The following GALNT13 variants were observed in gnomAD, a reference collection of about 807,000 sequenced individuals.
GALNT13 encodes the protein UDP-GalNAc:polypeptide N-acetylgalactosaminyltransferase 13.
A neutral mutation model predicts 64.2 loss-of-function variants in GALNT13; 28 were observed. That is an observed-to-expected ratio of 0.44 (90% CI 0.32 to 0.60). The LOEUF (loss-of-function observed/expected upper bound fraction) is 0.60, where lower values mean the gene tolerates loss of function less well. Ranked by LOEUF, GALNT13 falls within the 20% of genes least tolerant of loss-of-function variation. The probability of loss-of-function intolerance (pLI) is 0.05; values close to 1 mark genes in which losing one functional copy is unlikely to be tolerated. For synonymous variants in GALNT13, 214 were observed against 224.6 expected, an observed-to-expected ratio of 0.95 and a Z score of 0.42; for missense variants, 577 against 669.8, an observed-to-expected ratio of 0.86 and a Z score of 1.53.
the GALNT13 span, among the ~76,000 whole-genome samples, chr2:153,614,213 A>G: frequency 6.6e-6 from 1 of 151,996 alleles, no homozygotes; most frequent in South Asian, 2.1e-4. Context: ...AATAACATTA[A>G]TAATAATAAT....
At chr2:154,412,458 A>T (rs1230589546) in intron 11 of GALNT13, among the ~76,000 whole-genome samples, 1 of 151,824 alleles carries the variant, frequency 6.6e-6, no homozygotes, top group Non-Finnish European at 1.5e-5. Context: ...AACCCATAAA[A>T]ATCACTCAAG....
At chr2:153,083,020 G>C in the GALNT13 span, among the ~76,000 whole-genome samples, 1 of 151,542 alleles carries the variant, frequency 6.6e-6, no homozygotes, top group Non-Finnish European at 1.5e-5. Context: ...GTAGAGACAG[G>C]GTTTCACCAT....
the GALNT13 span, among the ~76,000 whole-genome samples, chr2:153,841,506 T>C: frequency 5.3e-5 from 8 of 152,158 alleles, no homozygotes; most frequent in Non-Finnish European, 1.0e-4. Context: ...TCATAATATA[T>C]AAATATTACG....
chr2:153,752,579 G>A, the GALNT13 span, among the ~76,000 whole-genome samples: 1 of 151,976 alleles, frequency 6.6e-6, no homozygotes, highest in East Asian at 1.9e-4. Context: ...CTCTCTTCTG[G>A]CCTGTAAGGT....
At chr2:153,812,660 C>A in the GALNT13 span, among the ~76,000 whole-genome samples, 1 of 152,126 alleles carries the variant, frequency 6.6e-6, no homozygotes, top group Non-Finnish European at 1.5e-5. Context: ...ATATTTCTTC[C>A]AAATTCTAAT....
At chr2:154,075,950 T>C (rs1357495089) in intron 3 of GALNT13, among the ~76,000 whole-genome samples, 1 of 151,696 alleles carries the variant, frequency 6.6e-6, no homozygotes, top group Non-Finnish European at 1.5e-5. Flanking sequence ...GACACATTTA[T>C]TTCTGAAAAC....
intron 3 of GALNT13, among the ~76,000 whole-genome samples, chr2:154,058,187 C>T (rs1041327573): frequency 6.6e-6 from 1 of 152,088 alleles, no homozygotes; most frequent in African/African-American, 2.4e-5. Context: ...TACTCTCTCT[C>T]AACCATGTGA....
At chr2:154,273,750 AC>A (rs1258938085) in intron 8 of GALNT13, among the ~76,000 whole-genome samples, 6 of 152,202 alleles carry the variant, frequency 3.9e-5, no homozygotes, top group Non-Finnish European at 7.4e-5. Context: ...TGTAATGTTC[AC>A]ATGATAATGA....
intron 2 of GALNT13, among the ~76,000 whole-genome samples, chr2:153,907,054 G>A (rs938501440): frequency 6.6e-6 from 1 of 152,120 alleles, no homozygotes; most frequent in African/African-American, 2.4e-5. Context: ...CTTTTGAGAA[G>A]TGTCTGTTCA....
At chr2:153,256,161 C>T in the GALNT13 span, among the ~76,000 whole-genome samples, 124,819 of 151,222 alleles carry the variant, frequency 0.83, 52,700 homozygotes, top group African/African-American at 0.91. Flanking sequence ...AGGCTTTGCT[C>T]GTTTCTTTTT....
chr2:153,118,537 C>CT, the GALNT13 span, among the ~76,000 whole-genome samples: 10 of 152,034 alleles, frequency 6.6e-5, no homozygotes, highest in South Asian at 4.2e-4. Flanking sequence ...TATTATTAGC[C>CT]TTTTTTTTAC....
At chr2:154,376,245 T>C (rs1029090693) in intron 9 of GALNT13, among the ~76,000 whole-genome samples, 4 of 152,210 alleles carry the variant, frequency 2.6e-5, no homozygotes, top group African/African-American at 9.6e-5. Flanking sequence ...TTACTTTTAA[T>C]GAGCAAATCT....
intron 9 of GALNT13, among the ~76,000 whole-genome samples, chr2:154,347,511 T>A (rs1272580284): frequency 6.6e-6 from 1 of 152,168 alleles, no homozygotes; most frequent in Non-Finnish European, 1.5e-5. Context: ...ATTGTCAGAT[T>A]TGGTCTCTCC....
chr2:154,287,416 G>T (rs1055714548), intron 8 of GALNT13: 4 of 451,780 alleles, frequency 8.9e-6, no homozygotes, highest in African/African-American at 2.0e-5. Context: ...TCCTCCAGCT[G>T]CCCCAGTGAG....
At chr2:153,512,119 C>G in the GALNT13 span, among the ~76,000 whole-genome samples, 1 of 152,050 alleles carries the variant, frequency 6.6e-6, no homozygotes, top group East Asian at 1.9e-4. Flanking sequence ...AATTGGAAGG[C>G]TTACCTATGA....
chr2:154,290,029 G>A (rs912385953), intron 8 of GALNT13, among the ~76,000 whole-genome samples: 1 of 152,162 alleles, frequency 6.6e-6, no homozygotes, highest in Non-Finnish European at 1.5e-5. Flanking sequence ...CCATAGCTAG[G>A]TGATTTAAGA....
intron 7 of GALNT13, among the ~76,000 whole-genome samples, chr2:154,254,813 AAC>A (rs1690281572): frequency 6.6e-6 from 1 of 152,144 alleles, no homozygotes. Context: ...CAAGTATGGA[AAC>A]ACAGATTAGG....
the GALNT13 span, among the ~76,000 whole-genome samples, chr2:153,214,284 A>G: frequency 1.3e-5 from 2 of 152,162 alleles, no homozygotes; most frequent in Non-Finnish European, 2.9e-5. Flanking sequence ...TAAGCCAATG[A>G]AACATTTGCC....
At chr2:154,246,117 A>G in intron 7 of GALNT13, 135 bp downstream of exon 7, 1 of 487,828 alleles carries the variant, frequency 2.0e-6, no homozygotes, top group Non-Finnish European at 3.4e-6. Flanking sequence ...TGACCTTTAC[A>G]TAATCATATA....
Sources: gnomAD v4.1 joint callset for allele counts (sites outside exome capture counted in the v4.1 genomes callset) on GRCh38, gnomAD v4.1.1 for gene constraint, MANE v1.5 for transcripts, NCBI Gene and HGNC (gene_info 2026-07-23, HGNC 2026-07-21) for gene names.